Variants in VAV3 observed in about 807,000 individuals in gnomAD.
The protein encoded by VAV3 is guanine nucleotide exchange factor VAV3.
In VAV3, 94 loss-of-function variants were observed where a neutral mutation model predicts 131.2. That is an observed-to-expected ratio of 0.72 (90% confidence interval 0.61 to 0.85). The LOEUF (loss-of-function observed/expected upper bound fraction) is 0.85, where lower values mean the gene tolerates loss of function less well. VAV3 is among the 40% of genes least tolerant of loss of function. VAV3 has a pLI of 0.00. For missense variants in VAV3, 939 were observed against 1,002.7 expected, an observed-to-expected ratio of 0.94 and a Z score of 0.86; for synonymous variants, 349 against 342.0, an observed-to-expected ratio of 1.02 and a Z score of -0.22.
intron 15 of VAV3, among the ~76,000 whole-genome samples, chr1:107,721,333 A>G (rs1436703417): frequency 6.6e-6 from 1 of 152,236 alleles, no homozygotes; most frequent in African/African-American, 2.4e-5. Flanking sequence ...AGAACTGTTC[A>G]GAGCAGAGCA....
chr1:107,805,725 G>A (rs1667028785), intron 2 of VAV3, among the ~76,000 whole-genome samples: 1 of 152,114 alleles, frequency 6.6e-6, no homozygotes, highest in South Asian at 2.1e-4. Context: ...TCTTGTGGAT[G>A]CATCTCCGTG....
At chr1:107,671,120 C>G (rs571703783) in intron 19 of VAV3, among the ~76,000 whole-genome samples, 1 of 152,174 alleles carries the variant, frequency 6.6e-6, no homozygotes, top group Non-Finnish European at 1.5e-5. Flanking sequence ...TATATGTACA[C>G]TTTCATGTTT....
At chr1:107,668,259 G>A (rs779807889) in intron 19 of VAV3, among the ~76,000 whole-genome samples, 6 of 152,194 alleles carry the variant, frequency 3.9e-5, no homozygotes, top group Non-Finnish European at 8.8e-5. Flanking sequence ...TTTAATGAAT[G>A]CATTCCTACA....
chr1:107,859,065 C>A (rs1218705464), intron 2 of VAV3, among the ~76,000 whole-genome samples: 1 of 145,828 alleles, frequency 6.9e-6, no homozygotes, highest in Non-Finnish European at 1.5e-5. Context: ...CTGAAAGATT[C>A]TTGAGGAGTT....
chr1:107,872,408 G>A (rs1057442859), intron 2 of VAV3, among the ~76,000 whole-genome samples: 1 of 152,158 alleles, frequency 6.6e-6, no homozygotes, highest in South Asian at 2.1e-4. Flanking sequence ...GAGGCAGACA[G>A]GAGAGCACAC....
chr1:107,777,287 T>C lies in VAV3; in HGVS notation c.390A>G (p.Pro130=). The C allele has an allele frequency of 3.7e-6, 6 of 1,613,948 alleles. No homozygotes were observed. Among genetic ancestry groups the C allele is most frequent in the Non-Finnish European group, 4.2e-6 (5 of 1,179,970 alleles). Residue 130 remains proline, a synonymous_variant, in exon 4 of 27, where the codon CCA becomes CCG. Coordinates refer to ENST00000370056, the MANE Select transcript of VAV3 (RefSeq NM_006113.5). ...IALATGIRPF[P]TEESINDEDI... is the part of the protein sequence containing the mutation. ...CTTCATCATTAATGCTTTCTTCTGTTGGGAAGGGCCTAGGAAGAGGAGAAA... is the reference window on the plus strand; with the variant it reads ...CTTCATCATTAATGCTTTCTTCTGTCGGGAAGGGCCTAGGAAGAGGAGAAA...
chr1:107,715,094 A>C (rs1661015197), intron 15 of VAV3, among the ~76,000 whole-genome samples: 1 of 152,112 alleles, frequency 6.6e-6, no homozygotes, highest in Non-Finnish European at 1.5e-5. Context: ...TTTGGCCCAT[A>C]AACTATTCTT....
rs562201425 is a variant in VAV3, at chr1:107,657,100, A to G, written c.1778-14345T>C. 2.0e-4 allele frequency among the ~76,000 whole-genome samples: 30 copies of G among 152,068 alleles called. No homozygotes were observed. In the South Asian group the frequency reaches 6.2e-3, roughly 32 times the overall value. On this transcript the variant is annotated intron_variant, in intron 19 of 26. Coordinates refer to ENST00000370056, the MANE Select transcript of VAV3 (RefSeq NM_006113.5). ...CTCCGAAGTAGCTGGGATTACGGGC[A>G]TGCACCACTACACCTGGCTGATTTT... is the stretch of plus-strand genomic sequence containing the variant.
At chr1:107,767,751 G>A (rs1206144960) in intron 7 of VAV3, among the ~76,000 whole-genome samples, 1 of 152,180 alleles carries the variant, frequency 6.6e-6, no homozygotes, top group African/African-American at 2.4e-5. Flanking sequence ...GCAAGTCCTA[G>A]AGGTCTGAGA....
chr1:107,636,512 A>G (rs968696609), intron 20 of VAV3, among the ~76,000 whole-genome samples: 1 of 152,202 alleles, frequency 6.6e-6, no homozygotes, highest in African/African-American at 2.4e-5. Context: ...ACTGTACTGA[A>G]CATCATAGCT....
chr1:107,753,096 G>C (rs572069116), intron 12 of VAV3, among the ~76,000 whole-genome samples: 2 of 152,174 alleles, frequency 1.3e-5, no homozygotes, highest in East Asian at 3.9e-4. Flanking sequence ...TATATAAAAT[G>C]ATGTATTATT....
chr1:107,790,505 AGAG>A (rs1299041395), intron 2 of VAV3, among the ~76,000 whole-genome samples: 2 of 152,214 alleles, frequency 1.3e-5, no homozygotes, highest in East Asian at 3.9e-4. Flanking sequence ...GTGCCAGAGG[AGAG>A]GAGAAGAAGG....
intron 21 of VAV3, among the ~76,000 whole-genome samples, chr1:107,610,647 T>A (rs1652657455): frequency 6.6e-6 from 1 of 152,110 alleles, no homozygotes; most frequent in African/African-American, 2.4e-5. Flanking sequence ...ACATAGAGCT[T>A]CGCACAAGGA....
At chr1:107,664,338 T>C (rs910149906) in intron 19 of VAV3, among the ~76,000 whole-genome samples, 6 of 150,462 alleles carry the variant, frequency 4.0e-5, no homozygotes, top group African/African-American at 1.5e-4. Context: ...TTCCTGATGC[T>C]CTCCCTCCCC....
intron 4 of VAV3, among the ~76,000 whole-genome samples, chr1:107,773,564 A>G (rs1205846661): frequency 1.3e-5 from 2 of 152,182 alleles, no homozygotes; most frequent in African/African-American, 2.4e-5. Context: ...ACATAAAGAC[A>G]GATGAGGAGA....
chr1:107,959,242 C>T (rs550897176), intron 1 of VAV3, among the ~76,000 whole-genome samples: 6 of 151,926 alleles, frequency 3.9e-5, no homozygotes, highest in South Asian at 4.1e-4. Flanking sequence ...GCCTGGGTGA[C>T]GGAGCAAGAC....
Position 107,864,027 on chromosome 1 carries a change from C to A in VAV3, c.321+10874G>T, listed in dbSNP as rs185604995. On this transcript the variant is annotated intron_variant, in intron 2 of 26. Transcript: ENST00000370056. ...TCAATATTACCAAAAATGAAGTATACCCAGGTTTAAAAGCCTCTGCAGAAG... is the reference window on the plus strand; with the variant it reads ...TCAATATTACCAAAAATGAAGTATAACCAGGTTTAAAAGCCTCTGCAGAAG... Among the ~76,000 whole-genome samples, 5 of 152,200 alleles carry A rather than the reference C, an allele frequency of 3.3e-5. No homozygotes were observed. The East Asian group carries it at 9.7e-4, about 29-fold the overall frequency.
At chr1:107,642,793 C>T in intron 19 of VAV3, 38 bp from the exon 20 acceptor site, 2 of 1,611,750 alleles carry the variant, frequency 1.2e-6, no homozygotes, top group Non-Finnish European at 1.7e-6. Context: ...ATTGAGAAAA[C>T]AATGATGCAT....
At chr1:107,599,801 T>A (rs1383735718) in intron 24 of VAV3, among the ~76,000 whole-genome samples, 1 of 111,940 alleles carries the variant, frequency 8.9e-6, no homozygotes, top group African/African-American at 3.0e-5. Context: ...CCCTATTGTG[T>A]TTCACAGATA....
Sources: allele counts gnomAD v4.1 joint callset (sites outside exome capture counted in the v4.1 genomes callset), GRCh38; gene constraint gnomAD v4.1.1; transcripts MANE v1.5; gene names NCBI Gene and HGNC (gene_info 2026-07-23, HGNC 2026-07-21).